HTT: variants seen among roughly 807,000 people sequenced by gnomAD.
The protein encoded by HTT is huntington disease protein.
In HTT, 104 loss-of-function variants were observed where a neutral mutation model predicts 362.3. The ratio of observed to expected loss-of-function variants is 0.29; its 90% CI spans 0.24 to 0.34. HTT has a LOEUF of 0.34. Among genes scored for constraint, HTT ranks in the 10% least tolerant of loss-of-function variants. The pLI is 1.00. For synonymous variants in HTT, 1,577 were observed against 1,548.7 expected (o/e 1.02, Z -0.43); for missense variants, 3,301 against 3,928.6 (o/e 0.84, Z 4.27).
chr4:3,233,869 T>C (rs1157765668), intron 61 of HTT, among the ~76,000 whole-genome samples: 3 of 152,190 alleles, frequency 2.0e-5, no homozygotes, highest in Admixed American at 6.5e-5. Context: ...CAGCGATGTC[T>C]TACAAGCGCA....
chr4:3,111,473 C>T (rs969863475), intron 6 of HTT, among the ~76,000 whole-genome samples: 10 of 152,148 alleles, frequency 6.6e-5, no homozygotes, highest in South Asian at 2.1e-4. Flanking sequence ...GGATTACAGG[C>T]GTGAGCCCAT....
Position 3,146,823 on chromosome 4 carries a change from A to G in HTT, c.3170A>G (p.Glu1057Gly). 6.2e-7 allele frequency: 1 copy of G among 1,614,102 alleles called. No individual in the cohort carries two copies. The highest frequency in any genetic ancestry group is 8.5e-7 in the Non-Finnish European group (1 of 1,179,982). ...CGVPPLSASD[E>G]SRKSCTVGMA... ...GTGCCTCCACTGAGTGCCTCAGATG[A>G]GTCTAGGAAGAGCTGTACCGTTGGG... The change falls in exon 25 of 67, where the codon GAG (glutamate) becomes GGG (glycine). Residue 1057 changes from glutamate to glycine, a missense_variant. By Grantham distance (98) the Glu-to-Gly change is moderately conservative. This residue lies in a region of HTT where 2,316 missense variants were observed against 2,658.5 expected (regional missense o/e 0.87). Coordinates refer to ENST00000355072, the MANE Select transcript of HTT (RefSeq NM_001388492.1).
intron 40 of HTT, among the ~76,000 whole-genome samples, chr4:3,191,623 A>G (rs1231068222): frequency 1.3e-5 from 2 of 152,178 alleles, no homozygotes; most frequent in Non-Finnish European, 1.5e-5. Context: ...TGGTAGAGAT[A>G]GAGGTGGGGA....
chr4:3,178,730 A>G (rs1718360629), intron 35 of HTT, among the ~76,000 whole-genome samples: 1 of 152,260 alleles, frequency 6.6e-6, no homozygotes, highest in Non-Finnish European at 1.5e-5. Flanking sequence ...CTGTTCATTC[A>G]CATGAAACGC....
chr4:3,105,302 C>A, intron 4 of HTT, 55 bp from the exon 5 acceptor site: 2 of 1,158,618 alleles, frequency 1.7e-6, no homozygotes, highest in Non-Finnish European at 2.6e-6. Flanking sequence ...TTCTATGCAA[C>A]CCTCTTGGTG....
At chr4:3,149,296 T>C (rs1262382703) in intron 26 of HTT, among the ~76,000 whole-genome samples, 1 of 123,322 alleles carries the variant, frequency 8.1e-6, no homozygotes, top group Admixed American at 7.4e-5. Flanking sequence ...TTCACATACT[T>C]TTTTTTTTTT....
chr4:3,187,766 C>G lies in HTT; in HGVS notation c.5105C>G (p.Ser1702Cys), dbSNP rs1718835276. The change falls in exon 39 of 67, where the codon TCT (serine) becomes TGT (cysteine). Residue 1702 changes from serine (S) to cysteine (C), a missense_variant. Around this residue, in one of 4 missense-constraint regions of HTT, gnomAD observed 2,316 missense variants for 2,658.5 expected, o/e 0.87. Coordinates refer to ENST00000355072, the MANE Select transcript of HTT (RefSeq NM_001388492.1). ...VLSRIQELSFSPYLISCTVIN... is the reference protein window; with the variant it reads ...VLSRIQELSFCPYLISCTVIN... ...TCTCGTATTCAGGAGCTCTCCTTCTCTCCGTATTTAATCTCCTGTACAGTA... is the reference window on the plus strand; with the variant it reads ...TCTCGTATTCAGGAGCTCTCCTTCTGTCCGTATTTAATCTCCTGTACAGTA... 1.2e-6 allele frequency: 2 copies of G among 1,613,090 alleles called. No individual in the cohort carries two copies. Among genetic ancestry groups the G allele is most frequent in the African/African-American group, 1.3e-5 (1 of 74,912 alleles).
chr4:3,172,918 C>T lies in HTT; in HGVS notation c.3953C>T (p.Thr1318Ile), dbSNP rs1355502821. The change falls in exon 31 of 67, where the codon ACT (threonine) becomes ATT (isoleucine). Residue 1318 changes from threonine to isoleucine, a missense_variant. Transcript: ENST00000355072. Reference protein sequence around the residue: ...ATVCVQQLLKTLFGTNLASQF... With the variant: ...ATVCVQQLLKILFGTNLASQF... Reference sequence around the variant, plus strand: ...TTTTTTTCACTGTAGTTGTTGAAGACTCTCTTTGGCACAAACTTGGCCTCC... The same window carrying T: ...TTTTTTTCACTGTAGTTGTTGAAGATTCTCTTTGGCACAAACTTGGCCTCC... 4.3e-6 allele frequency: 7 copies of T among 1,613,902 alleles called. No individual in the cohort carries two copies. The highest frequency in any genetic ancestry group is 1.3e-5 in the African/African-American group (1 of 75,044).
At position 3,145,245 on chromosome 4, in the gene HTT, GTATA is replaced by G; in HGVS notation, c.3143+21_3143+24del. 1 of 1,512,434 alleles carries G rather than the reference GTATA, an allele frequency of 6.6e-7. No individual in the cohort carries two copies. Among genetic ancestry groups the G allele is most frequent in the South Asian group, 1.1e-5 (1 of 88,912 alleles). The allele number at this position is 1,512,434 out of a possible 1,614,324, so 93.7% of individuals were successfully genotyped here. A position where few individuals can be genotyped will look rare whatever the true frequency, so the allele number is the denominator to read the frequency against. On this transcript the variant is annotated intron_variant, in intron 24 of 66. Transcript: ENST00000355072. ...GCACTGTGGGTATGTATTTTCCTCA[GTATA>G]TATTAATAGTTGTCTACAACAGTAT...
intron 29 of HTT, among the ~76,000 whole-genome samples, chr4:3,165,739 C>T (rs1463475981): frequency 1.3e-5 from 2 of 152,020 alleles, no homozygotes; most frequent in East Asian, 1.9e-4. Context: ...ACAAAATTCT[C>T]GTTCTGTGGT....
At chr4:3,177,438 A>T (rs775812412) in intron 34 of HTT, 51 bp downstream of exon 34, 1 of 1,236,256 alleles carries the variant, frequency 8.1e-7, no homozygotes, top group South Asian at 1.4e-5. Context: ...GTGTACTTAC[A>T]TGTAATTTAG....
At chr4:3,089,669 C>T (rs984341611) in intron 2 of HTT, among the ~76,000 whole-genome samples, 1 of 152,182 alleles carries the variant, frequency 6.6e-6, no homozygotes, top group African/African-American at 2.4e-5. Context: ...AGCTTATTGA[C>T]CCAGGAAATA....
At chr4:3,109,811 C>T (rs1209974050) in intron 6 of HTT, among the ~76,000 whole-genome samples, 1 of 152,088 alleles carries the variant, frequency 6.6e-6, no homozygotes, top group African/African-American at 2.4e-5. Flanking sequence ...GTTCTCAGCA[C>T]CCGGGGATCT....
chr4:3,110,234 A>G (rs61792503), intron 6 of HTT, among the ~76,000 whole-genome samples: 8,416 of 152,172 alleles, frequency 0.055, 285 homozygotes, highest in African/African-American at 0.094. Flanking sequence ...GTTTTCTTGG[A>G]GTTAATCGTT....
chr4:3,082,678 C>T (rs927733543), intron 1 of HTT, among the ~76,000 whole-genome samples: 1 of 152,150 alleles, frequency 6.6e-6, no homozygotes, highest in Non-Finnish European at 1.5e-5. Context: ...GGTGCTTAGA[C>T]CTTACCTTTG....
chr4:3,238,018 A>T (rs1217433792), intron 64 of HTT, among the ~76,000 whole-genome samples: 1 of 152,218 alleles, frequency 6.6e-6, no homozygotes, highest in Non-Finnish European at 1.5e-5. Flanking sequence ...TATGATTTTT[A>T]AAAATCTCTT....
chr4:3,162,280 A>G (rs542555611), intron 29 of HTT, among the ~76,000 whole-genome samples: 72 of 152,232 alleles, frequency 4.7e-4, no homozygotes, highest in Middle Eastern at 3.4e-3. Flanking sequence ...CCATTGGTCT[A>G]TATATCTGTT....
At chr4:3,146,088 A>G (rs1045496161) in intron 24 of HTT, among the ~76,000 whole-genome samples, 4 of 152,242 alleles carry the variant, frequency 2.6e-5, no homozygotes, top group African/African-American at 9.6e-5. Context: ...ATGGGTAGAC[A>G]CCATAATCCT....
chr4:3,199,802 C>T lies in HTT; in HGVS notation c.5439C>T (p.Tyr1813=), dbSNP rs1217768477. The change falls in exon 41 of 67, where the codon TAC becomes TAT. Residue 1813 remains tyrosine, a synonymous_variant. Coordinates refer to ENST00000355072, the MANE Select transcript of HTT (RefSeq NM_001388492.1). ...FRSDGCGGSF[Y]TLDSLNLRAR... ...GTGATGGCTGTGGCGGCAGTTTCTA[C>T]ACCCTGGACAGCTTGAACTTGCGGG... 2 of 1,614,106 alleles carry T rather than the reference C, an allele frequency of 1.2e-6. No individual in the cohort carries two copies. Among genetic ancestry groups the T allele is most frequent in the South Asian group, 1.1e-5 (1 of 91,090 alleles).
Sources: allele counts gnomAD v4.1 joint callset (sites outside exome capture counted in the v4.1 genomes callset), GRCh38; gene constraint gnomAD v4.1.1; regional missense constraint gnomAD v4.1.1; transcripts MANE v1.5; gene names NCBI Gene and HGNC (gene_info 2026-07-23, HGNC 2026-07-21).